The following C17orf75 variants were observed in gnomAD, a reference collection of about 807,000 sequenced individuals.
The protein encoded by C17orf75 is chromosome 17 open reading frame 75.
A neutral mutation model predicts 49.6 loss-of-function variants in C17orf75; 32 were observed. That is an observed-to-expected ratio of 0.65 (90% confidence interval 0.49 to 0.87). C17orf75 has a LOEUF of 0.87. Ranked by LOEUF, C17orf75 falls within the 40% of genes least tolerant of loss-of-function variation. C17orf75 has a pLI of 0.00. For synonymous variants in C17orf75, 158 were observed against 159.5 expected (o/e 0.99, Z 0.07); for missense variants, 428 against 473.9 (o/e 0.90, Z 0.90).
upstream of C17orf75, chr17:32,342,286 G>A (rs2041389814): frequency 1.0e-5 from 13 of 1,302,514 alleles, no homozygotes; most frequent in Non-Finnish European, 1.3e-5. Context: ...GGACTGGCCT[G>A]GAAAGGGAGT....
Position 32,340,730 on chromosome 17 carries a change from A to G in C17orf75, c.221+474T>C, listed in dbSNP as rs112612307. The G allele has an allele frequency of 1.1e-3, 182 of 159,454 alleles. 3 individuals are homozygous for G. The highest frequency in any genetic ancestry group is 3.9e-3 in the African/African-American group (163 of 41,568). The allele number at this position is 159,454 out of a possible 1,614,324, so 9.9% of individuals were successfully genotyped here. A position where few individuals can be genotyped will look rare whatever the true frequency, so the allele number is the denominator to read the frequency against. Reference sequence around the variant, plus strand: ...TTTGCGAGGCAGAAGTGGGCGGATCACTTGAGTCCAGGAGTTCAAGACCAG... The same window carrying G: ...TTTGCGAGGCAGAAGTGGGCGGATCGCTTGAGTCCAGGAGTTCAAGACCAG... On this transcript the variant is annotated intron_variant, in intron 2 of 9. Coordinates refer to ENST00000577809, the MANE Select transcript of C17orf75 (RefSeq NM_022344.4).
intron 2 of C17orf75, chr17:32,340,869 G>A (rs546014283): frequency 2.9e-5 from 7 of 242,166 alleles, no homozygotes; most frequent in South Asian, 5.0e-5. Flanking sequence ...ACCTGAGGCC[G>A]GGGAGGTTGA....
intron 1 of C17orf75, 145 bp downstream of exon 1, chr17:32,341,855 C>A (rs777105689): frequency 5.6e-6 from 6 of 1,080,866 alleles, no homozygotes; most frequent in African/African-American, 1.7e-5. Context: ...GCCCTTCAGG[C>A]CAGAGACCTT....
upstream of C17orf75, among the ~76,000 whole-genome samples, chr17:32,343,305 GTTTTT>G (rs71144816): frequency 1.4e-5 from 2 of 146,378 alleles, no homozygotes; most frequent in African/African-American, 2.5e-5. Flanking sequence ...TGTGTTTTGT[GTTTTT>G]TTTTTTTATT....
intron 3 of C17orf75, among the ~76,000 whole-genome samples, chr17:32,338,815 G>A (rs1035893526): frequency 6.6e-6 from 1 of 152,164 alleles, no homozygotes; most frequent in Non-Finnish European, 1.5e-5. Context: ...TGGAGGCCGG[G>A]CACAGTGGCT....
At chr17:32,336,340 A>G (rs1315072882) in intron 5 of C17orf75, among the ~76,000 whole-genome samples, 1 of 152,072 alleles carries the variant, frequency 6.6e-6, no homozygotes, top group Non-Finnish European at 1.5e-5. Flanking sequence ...CAGCCTCCCA[A>G]GTAGCTGGGA....
intron 1 of C17orf75, among the ~76,000 whole-genome samples, chr17:32,347,697 G>A (rs2150781979): frequency 6.6e-6 from 1 of 152,270 alleles, no homozygotes; most frequent in East Asian, 1.9e-4. Context: ...GCAAGAGAGA[G>A]TAGAGTTTAG....
intron 8 of C17orf75, 86 bp from the exon 9 acceptor site, chr17:32,333,606 T>A: frequency 8.0e-7 from 1 of 1,244,526 alleles, no homozygotes; most frequent in Admixed American, 2.1e-5. Context: ...GATTCGCTCT[T>A]GTTGCCCGGC....
At position 32,342,145 on chromosome 17, in the gene C17orf75, C is replaced by T. The variant is rs1215836006; in HGVS notation, c.-6G>A. ...TCCTGCAAAGAGGGGAGCATTGCGGCGGCCTCTGAGCGGCCCTGTGTCTCC... is the reference window on the plus strand; with the variant it reads ...TCCTGCAAAGAGGGGAGCATTGCGGTGGCCTCTGAGCGGCCCTGTGTCTCC... On this transcript the variant is annotated 5_prime_UTR_variant, in exon 1 of 10. Coordinates refer to ENST00000577809, the MANE Select transcript of C17orf75 (RefSeq NM_022344.4). The T allele has an allele frequency of 1.3e-6, 2 of 1,593,482 alleles. No individual in the cohort carries two copies. Among genetic ancestry groups the T allele is most frequent in the East Asian group, 2.3e-5 (1 of 43,284 alleles).
intron 8 of C17orf75, among the ~76,000 whole-genome samples, chr17:32,333,928 A>G (rs1240271831): frequency 6.6e-6 from 1 of 152,172 alleles, no homozygotes; most frequent in Non-Finnish European, 1.5e-5. Flanking sequence ...CCCATCAGAG[A>G]GGATAATCAT....
chr17:32,343,487 C>A (rs1172207995), upstream of C17orf75: 6 of 248,234 alleles, frequency 2.4e-5, no homozygotes, highest in Middle Eastern at 1.2e-3. Context: ...CCCCTTCCTG[C>A]TTCTCAGATT....
chr17:32,340,218 A>C (rs888499351), intron 2 of C17orf75, among the ~76,000 whole-genome samples: 1 of 152,170 alleles, frequency 6.6e-6, no homozygotes, highest in Admixed American at 6.5e-5. Flanking sequence ...CAGTCTCTCA[A>C]GTTTCTCATC....
chr17:32,336,043 T>G (rs921938337), intron 5 of C17orf75, among the ~76,000 whole-genome samples: 95 of 152,334 alleles, frequency 6.2e-4, no homozygotes, highest in African/African-American at 2.1e-3. Context: ...AGAGCTCTAG[T>G]CCGGGAGAAC....
chr17:32,348,842 C>T (rs2041450272), intron 1 of C17orf75, among the ~76,000 whole-genome samples: 1 of 149,610 alleles, frequency 6.7e-6, no homozygotes, highest in Non-Finnish European at 1.5e-5. Flanking sequence ...CTCTTGTGAC[C>T]AGCACCTTCA....
intron 1 of C17orf75, among the ~76,000 whole-genome samples, chr17:32,349,037 T>C (rs972884989): frequency 1.3e-5 from 2 of 151,806 alleles, no homozygotes; most frequent in Non-Finnish European, 1.5e-5. Flanking sequence ...GGCTAATTTT[T>C]GTATTTTTAG....
intron 1 of C17orf75, among the ~76,000 whole-genome samples, chr17:32,348,018 T>C (rs2041438357): frequency 6.6e-6 from 1 of 151,894 alleles, no homozygotes; most frequent in African/African-American, 2.4e-5. Flanking sequence ...CCTGAACTTT[T>C]TTTTTTTTTT....
In C17orf75 at chr17:32,333,509, A is replaced by C. The variant is rs774119199; in HGVS notation, c.883T>G (p.Phe295Val). ...PQFCNAGSNR[F>V]CEDWMQAFLN... Reference sequence around the variant, plus strand: ...AAAGCTTGCATCCAATCCTCACAAAACCGGTTACTTCCTATAAAACATTTC... The same window carrying C: ...AAAGCTTGCATCCAATCCTCACAAACCCGGTTACTTCCTATAAAACATTTC... The change falls in exon 9 of 10, where the codon TTT (phenylalanine) becomes GTT (valine). Residue 295 changes from phenylalanine to valine, a missense_variant. Physicochemically the swap from Phe to Val is conservative, Grantham distance 50 (BLOSUM62 -1). Coordinates refer to ENST00000577809, the MANE Select transcript of C17orf75 (RefSeq NM_022344.4). 16 of 1,611,238 alleles carry C rather than the reference A, an allele frequency of 9.9e-6. 1 individual carries two copies.
upstream of C17orf75, among the ~76,000 whole-genome samples, chr17:32,345,978 C>G (rs1266227838): frequency 3.3e-5 from 5 of 152,090 alleles, no homozygotes; most frequent in African/African-American, 1.2e-4. Flanking sequence ...ATATATGTAT[C>G]TATACTAACT....
chr17:32,342,852 C>CA (rs2041394511), upstream of C17orf75, among the ~76,000 whole-genome samples: 1 of 152,196 alleles, frequency 6.6e-6, no homozygotes, highest in Non-Finnish European at 1.5e-5. Context: ...GCCCATTACC[C>CA]AGTTCTAACA....
Sources: gnomAD v4.1 joint callset for allele counts (sites outside exome capture counted in the v4.1 genomes callset) on GRCh38, gnomAD v4.1.1 for gene constraint, MANE v1.5 for transcripts, NCBI Gene and HGNC (gene_info 2026-07-23, HGNC 2026-07-21) for gene names.